ZNF469: variants seen among roughly 807,000 people sequenced by gnomAD.
ZNF469 encodes the protein zinc finger protein 469.
Under a neutral mutation model 1.0 loss-of-function variants are expected in ZNF469, and 1 was observed. The ratio of observed to expected loss-of-function variants is 1.00; its 90% confidence interval spans 0.35 to 4.73. The LOEUF is 4.73. Among genes scored for constraint, ZNF469 ranks in the 30% most tolerant of loss-of-function variants. The pLI, the probability that ZNF469 is intolerant of heterozygous loss-of-function variation, is 0.16. For missense variants in ZNF469, 6,100 were observed against 5,356.3 expected, an observed-to-expected ratio of 1.14 and a Z score of -4.33; for synonymous variants, 2,703 against 2,363.4, an observed-to-expected ratio of 1.14 and a Z score of -4.17.
the ZNF469 span, among the ~76,000 whole-genome samples, chr16:88,105,751 G>C: frequency 2.0e-5 from 3 of 152,312 alleles, no homozygotes; most frequent in Non-Finnish European, 4.4e-5. Flanking sequence ...GTGGGAGCTC[G>C]GTAGTTGATT....
the ZNF469 span, among the ~76,000 whole-genome samples, chr16:88,154,405 A>G: frequency 6.6e-6 from 1 of 152,134 alleles, no homozygotes; most frequent in Non-Finnish European, 1.5e-5. Flanking sequence ...ACCTCAAGAG[A>G]TCCACCCACT....
At chr16:88,264,233 C>A in the ZNF469 span, among the ~76,000 whole-genome samples, 3 of 152,078 alleles carry the variant, frequency 2.0e-5, no homozygotes, top group East Asian at 5.8e-4. Flanking sequence ...CTTCCTCCTC[C>A]CACACCGAAA....
chr16:88,235,264 G>C, the ZNF469 span, among the ~76,000 whole-genome samples: 3 of 152,296 alleles, frequency 2.0e-5, no homozygotes, highest in Admixed American at 2.0e-4. Context: ...CCTGCCCATG[G>C]AGCTCCGGGC....
chr16:88,109,554 C>A, the ZNF469 span, among the ~76,000 whole-genome samples: 2 of 147,444 alleles, frequency 1.4e-5, no homozygotes, highest in African/African-American at 5.1e-5. Flanking sequence ...AGGTGCTGAG[C>A]ATCTGTGTCC....
the ZNF469 span, among the ~76,000 whole-genome samples, chr16:88,370,439 A>C: frequency 6.6e-6 from 1 of 152,288 alleles, no homozygotes; most frequent in East Asian, 1.9e-4. Context: ...ATTCAGTAGC[A>C]TGTGCGTGCT....
Position 88,433,095 on chromosome 16 carries a change from G to T in ZNF469, c.5625G>T (p.Leu1875Phe). 6.5e-7 allele frequency: 1 copy of T among 1,550,310 alleles called. No homozygotes were observed. The highest frequency in any genetic ancestry group is 8.7e-7 in the Non-Finnish European group (1 of 1,146,956). The change falls in exon 3 of 3, where the codon TTG becomes TTT. Residue 1875 changes from leucine to phenylalanine, a missense_variant. Transcript: ENST00000565624. The stretch of plus-strand genomic sequence containing the variant: ...CCCCCCGGGGCAGGGAGGCTTGGTT[G>T]GTCCCTGTGCCAAGTCCCGCCTGTG... ...LTAPRGREAWLVPVPSPACVS... is the reference protein window; with the variant it reads ...LTAPRGREAWFVPVPSPACVS...
chr16:88,438,720 C>T lies in ZNF469; in HGVS notation c.11250C>T (p.Pro3750=). 1.3e-6 allele frequency: 2 copies of T among 1,550,050 alleles called. No individual in the cohort carries two copies. Among genetic ancestry groups the T allele is most frequent in the South Asian group, 2.4e-5 (2 of 84,044 alleles). The change falls in exon 3 of 3, where the codon CCC becomes CCT. Residue 3750 remains proline, a synonymous_variant. Transcript: ENST00000565624. ...PGTKTGGGSQ[P]QPASGQLQSE... ...CCAAGACAGGAGGTGGCAGCCAGCCCCAGCCAGCCAGCGGGCAGCTCCAGA... is the reference window on the plus strand; with the variant it reads ...CCAAGACAGGAGGTGGCAGCCAGCCTCAGCCAGCCAGCGGGCAGCTCCAGA...
the ZNF469 span, among the ~76,000 whole-genome samples, chr16:88,242,162 A>T: frequency 6.6e-6 from 1 of 152,204 alleles, no homozygotes; most frequent in African/African-American, 2.4e-5. Context: ...GCGCTCTGCA[A>T]CCGGCTCTAG....
Position 88,439,164 on chromosome 16 carries a change from G to A in ZNF469, c.11694G>A (p.Gly3898=), listed in dbSNP as rs1906827634. ...GACTGGGCAAGGCCTTCCCCCAGGG[G>A]AGACCCCTGCTCAGGCCCCCCAAGA... The part of the protein sequence containing the change: ...KDRLGKAFPQ[G]RPLLRPPKRG... Residue 3898 remains glycine (G), a synonymous_variant, in exon 3 of 3, where the codon GGG becomes GGA. Coordinates refer to ENST00000565624, the MANE Select transcript of ZNF469 (RefSeq NM_001367624.2). 1 of 1,550,416 alleles carries A rather than the reference G, an allele frequency of 6.4e-7. No individual in the cohort carries two copies. The highest frequency in any genetic ancestry group is 8.7e-7 in the Non-Finnish European group (1 of 1,146,988).
At chr16:88,190,154 T>A in the ZNF469 span, among the ~76,000 whole-genome samples, 1 of 152,228 alleles carries the variant, frequency 6.6e-6, no homozygotes, top group African/African-American at 2.4e-5. Context: ...ACAGCTAATC[T>A]GGCTACACGA....
chr16:88,213,179 A>G, the ZNF469 span, among the ~76,000 whole-genome samples: 4 of 151,932 alleles, frequency 2.6e-5, no homozygotes, highest in Non-Finnish European at 5.9e-5. Context: ...GCTCACTGCA[A>G]GCTCCGCCTC....
In ZNF469 at chr16:88,439,042, C is replaced by T. The variant is rs1178213897; in HGVS notation, c.11572C>T (p.Leu3858Phe). 8.4e-6 allele frequency: 13 copies of T among 1,550,470 alleles called. No homozygotes were observed. Among genetic ancestry groups the T allele is most frequent in the Non-Finnish European group, 1.1e-5 (13 of 1,146,964 alleles). The change falls in exon 3 of 3, where the codon CTC becomes TTC. Residue 3858 changes from leucine to phenylalanine, a missense_variant. Leu to Phe is a conservative substitution (Grantham distance 22, BLOSUM62 0). Transcript: ENST00000565624. The stretch of plus-strand genomic sequence containing the variant: ...GAAGCAGGCAACTCCCAGCCGCGTG[C>T]TCCCGACCAAGCCCAAGCCCAACAG... ...PRKQATPSRV[L>F]PTKPKPNSQN...
At chr16:88,322,704 G>A in the ZNF469 span, among the ~76,000 whole-genome samples, 1 of 152,166 alleles carries the variant, frequency 6.6e-6, no homozygotes, top group Admixed American at 6.5e-5. Context: ...CCCTTGCCTT[G>A]AGCTCTAGGC....
rs1905957569 is a variant in ZNF469, at chr16:88,429,373, T to G, written c.1903T>G (p.Phe635Val). Residue 635 changes from phenylalanine (F) to valine (V), a missense_variant, in exon 3 of 3, where the codon TTC (phenylalanine) becomes GTC (valine). Coordinates refer to ENST00000565624, the MANE Select transcript of ZNF469 (RefSeq NM_001367624.2). ...LPGPLGPSAF[F>V]HPPTHPQETG... ...CGGCCCCCTCGGGCCCTCGGCCTTC[T>G]TCCACCCACCCACTCACCCCCAGGA... 1.3e-6 allele frequency: 2 copies of G among 1,549,520 alleles called. No homozygotes were observed. The highest frequency in any genetic ancestry group is 1.7e-6 in the Non-Finnish European group (2 of 1,146,664).
chr16:88,246,234 A>G, the ZNF469 span, among the ~76,000 whole-genome samples: 1 of 152,148 alleles, frequency 6.6e-6, no homozygotes, highest in Non-Finnish European at 1.5e-5. Context: ...GTGTTCATTC[A>G]CTTACTCATG....
the ZNF469 span, among the ~76,000 whole-genome samples, chr16:88,224,367 T>C: frequency 6.6e-6 from 1 of 152,226 alleles, no homozygotes; most frequent in South Asian, 2.1e-4. Context: ...GAGTGATTTC[T>C]TCCTGGTTTT....
At chr16:88,269,378 C>T in the ZNF469 span, among the ~76,000 whole-genome samples, 1 of 152,102 alleles carries the variant, frequency 6.6e-6, no homozygotes, top group Non-Finnish European at 1.5e-5. Flanking sequence ...CAGGTGGGTG[C>T]ACCCTGGCGG....
chr16:88,190,111 T>C, the ZNF469 span, among the ~76,000 whole-genome samples: 14 of 146,952 alleles, frequency 9.5e-5, no homozygotes, highest in Admixed American at 2.1e-4. Context: ...GGCTGGGGGC[T>C]TTAGACCAGT....
At chr16:88,240,357 A>T in the ZNF469 span, among the ~76,000 whole-genome samples, 1 of 152,082 alleles carries the variant, frequency 6.6e-6, no homozygotes, top group South Asian at 2.1e-4. Flanking sequence ...ATTTGGAGGG[A>T]GGGAATGAGA....
Sources: allele counts gnomAD v4.1 joint callset (sites outside exome capture counted in the v4.1 genomes callset), GRCh38; gene constraint gnomAD v4.1.1; transcripts MANE v1.5; gene names NCBI Gene and HGNC (gene_info 2026-07-23, HGNC 2026-07-21).